The following RGS22 variants were observed in gnomAD, a reference collection of about 807,000 sequenced individuals.
RGS22 encodes regulator of G-protein signaling 22.
RGS22 carries 148 observed loss-of-function variants against 172.9 expected under a neutral mutation model. The observed-to-expected ratio is 0.86, with a 90% CI of 0.75 to 0.98. The LOEUF is 0.98. Ranked by LOEUF, RGS22 falls within the 50% of genes least tolerant of loss-of-function variation. The pLI, the probability that RGS22 is intolerant of heterozygous loss-of-function variation, is 0.00. For missense variants in RGS22, 1,347 were observed against 1,440.8 expected (o/e 0.93, Z 1.05); for synonymous variants, 458 against 480.2 (o/e 0.95, Z 0.60).
At chr8:99,973,324 C>T (rs1204973728) in intron 23 of RGS22, among the ~76,000 whole-genome samples, 1 of 152,142 alleles carries the variant, frequency 6.6e-6, no homozygotes, top group African/African-American at 2.4e-5. Context: ...CCATGGAATA[C>T]TACACAGGTA....
intron 20 of RGS22, 120 bp downstream of exon 20, chr8:99,996,342 G>A: frequency 1.3e-6 from 1 of 754,098 alleles, no homozygotes; most frequent in East Asian, 2.6e-5. Flanking sequence ...TCAGTGCTCA[G>A]TTGTCAGTTT....
chr8:100,070,716 C>T (rs1265441390), intron 6 of RGS22, among the ~76,000 whole-genome samples: 3 of 152,262 alleles, frequency 2.0e-5, no homozygotes, highest in Non-Finnish European at 4.4e-5. Flanking sequence ...AATTAGTTAG[C>T]ATAAATCTAC....
chr8:99,999,239 A>G (rs773552558), intron 19 of RGS22, 23 bp downstream of exon 19: 5 of 1,605,354 alleles, frequency 3.1e-6, no homozygotes, highest in Admixed American at 3.4e-5. Context: ...ACTGCTATCA[A>G]AAGATTATAC....
At chr8:100,003,883 A>G in intron 17 of RGS22, 43 bp downstream of exon 17, 2 of 1,451,910 alleles carry the variant, frequency 1.4e-6, no homozygotes, top group Non-Finnish European at 1.8e-6. Flanking sequence ...ATAGTAGCTT[A>G]GAAAAATGTT....
chr8:100,042,044 A>T, intron 11 of RGS22, 128 bp from the exon 12 acceptor site: 1 of 571,868 alleles, frequency 1.7e-6, no homozygotes, highest in Non-Finnish European at 3.1e-6. Context: ...TGACTCAGGA[A>T]AAAAAGGATA....
At chr8:99,973,001 AAGTC>A (rs1811538725) in intron 23 of RGS22, among the ~76,000 whole-genome samples, 1 of 151,800 alleles carries the variant, frequency 6.6e-6, no homozygotes, top group South Asian at 2.1e-4. Flanking sequence ...AAAAAAAAAA[AAGTC>A]AGGAAACAAT....
intron 26 of RGS22, 58 bp downstream of exon 26, chr8:99,962,629 G>C: frequency 2.0e-6 from 3 of 1,532,850 alleles, no homozygotes; most frequent in Admixed American, 1.9e-5. Context: ...CCAGGTGAGA[G>C]GCAAAACTCC....
Position 100,038,935 on chromosome 8 carries a change from G to C in RGS22, c.2162C>G (p.Ala721Gly), listed in dbSNP as rs150732363. 1.2e-6 allele frequency: 2 copies of C among 1,601,982 alleles called. No homozygotes were observed. The highest frequency in any genetic ancestry group is 2.2e-5 in the South Asian group (2 of 89,822). ...CCAATATTATTTACTACGTACTTGC[G>C]CTTGCTTGCATACTTTAAAAGGCTG... ...TLQPFKVCKQ[A>G]QYLFATYVAP... The change falls in exon 14 of 28, where the codon GCG (alanine) becomes GGG (glycine). Residue 721 changes from alanine (A) to glycine (G), a missense_variant. Transcript: ENST00000360863.
intron 9 of RGS22, 85 bp downstream of exon 9, chr8:100,062,506 G>C (rs1316309364): frequency 1.2e-6 from 1 of 852,836 alleles, no homozygotes; most frequent in Non-Finnish European, 1.8e-6. Context: ...GTTTCCATAA[G>C]TTATATATCC....
intron 14 of RGS22, among the ~76,000 whole-genome samples, chr8:100,030,512 T>C (rs1264041027): frequency 6.6e-6 from 1 of 152,086 alleles, no homozygotes; most frequent in Admixed American, 6.6e-5. Flanking sequence ...CTTCCAGTGG[T>C]AAACACACTG....
At chr8:99,966,626 G>T (rs956513889) in intron 23 of RGS22, among the ~76,000 whole-genome samples, 1 of 152,144 alleles carries the variant, frequency 6.6e-6, no homozygotes, top group Admixed American at 6.5e-5. Flanking sequence ...AAGAGGAAAT[G>T]CTATGCTTAA....
At chr8:100,103,728 T>A (rs1813685530) in intron 2 of RGS22, among the ~76,000 whole-genome samples, 1 of 151,502 alleles carries the variant, frequency 6.6e-6, no homozygotes, top group Non-Finnish European at 1.5e-5. Flanking sequence ...AATACTTTCA[T>A]GAGAAAAGAA....
At chr8:100,020,360 T>C (rs564662673) in intron 14 of RGS22, among the ~76,000 whole-genome samples, 344 of 152,338 alleles carry the variant, frequency 2.3e-3, no homozygotes, top group Non-Finnish European at 2.5e-3. Flanking sequence ...TACTGAAATA[T>C]ACAAAGCTTT....
chr8:100,090,729 CAGGTAGAA>C (rs1812513542), intron 3 of RGS22, among the ~76,000 whole-genome samples: 1 of 151,874 alleles, frequency 6.6e-6, no homozygotes, highest in Non-Finnish European at 1.5e-5. Flanking sequence ...AAGAGCATGC[CAGGTAGAA>C]AGACCCTGAG....
At chr8:100,028,784 A>C (rs1818452756) in intron 14 of RGS22, among the ~76,000 whole-genome samples, 4 of 152,354 alleles carry the variant, frequency 2.6e-5, no homozygotes, top group Middle Eastern at 3.4e-3. Flanking sequence ...ATTATTGAAT[A>C]CTATAGCAGC....
At chr8:100,039,470 A>G (rs527363219) in intron 13 of RGS22, among the ~76,000 whole-genome samples, 2 of 150,672 alleles carry the variant, frequency 1.3e-5, no homozygotes, top group South Asian at 2.1e-4. Context: ...CTCTGCCTCC[A>G]GGCTCAAGTG....
Position 100,063,614 on chromosome 8 carries a change from A to C in RGS22, c.1154T>G (p.Leu385Ter), listed in dbSNP as rs1810315988. Residue 385 changes from leucine to a stop codon, truncating the protein, a stop_gained, in exon 8 of 28, where the codon TTA (leucine) becomes TGA (stop). Transcript: ENST00000360863. LOFTEE classifies it high-confidence loss of function. ...ERSEEIEQTSLSSKNESAGPE... is the reference protein window; with the variant it reads ...ERSEEIEQTS ...TCCAGCGCTCTCATTCTTTGAACTT[A>C]AACTTGTTTGTTCTATCTCTTCTGA... 2 of 1,614,000 alleles carry C rather than the reference A, an allele frequency of 1.2e-6. No homozygotes were observed. The highest frequency in any genetic ancestry group is 8.5e-7 in the Non-Finnish European group (1 of 1,180,014).
chr8:100,002,579 A>C (rs907467686), intron 17 of RGS22, among the ~76,000 whole-genome samples: 5 of 152,184 alleles, frequency 3.3e-5, no homozygotes, highest in Admixed American at 6.5e-5. Flanking sequence ...TAAATATATG[A>C]ATGATGACAA....
At chr8:100,012,127 G>A (rs944930440) in intron 14 of RGS22, among the ~76,000 whole-genome samples, 5 of 151,652 alleles carry the variant, frequency 3.3e-5, no homozygotes, top group Admixed American at 2.0e-4. Context: ...AGACATTAAA[G>A]CAACCAAAGA....
Sources: gnomAD v4.1 joint callset for allele counts (sites outside exome capture counted in the v4.1 genomes callset) on GRCh38, gnomAD v4.1.1 for gene constraint, MANE v1.5 for transcripts, NCBI Gene and HGNC (gene_info 2026-07-23, HGNC 2026-07-21) for gene names.